The following TDRD3 variants were observed in gnomAD, a reference collection of about 807,000 sequenced individuals.
The protein encoded by TDRD3 is tudor domain containing 3.
A neutral mutation model predicts 86.7 loss-of-function variants in TDRD3; 45 were observed. The observed-to-expected ratio is 0.52, with a 90% confidence interval of 0.41 to 0.67. TDRD3 has a LOEUF of 0.67. Ranked by LOEUF, TDRD3 falls within the 30% of genes least tolerant of loss-of-function variation. The pLI, the probability that TDRD3 is intolerant of heterozygous loss-of-function variation, is 0.00. For missense variants in TDRD3, 814 were observed against 889.0 expected, an observed-to-expected ratio of 0.92 and a Z score of 1.07; for synonymous variants, 298 against 301.7, an observed-to-expected ratio of 0.99 and a Z score of 0.13.
intron 8 of TDRD3, among the ~76,000 whole-genome samples, chr13:60,497,899 G>C (rs547484577): frequency 1.3e-5 from 2 of 152,128 alleles, no homozygotes; most frequent in Non-Finnish European, 2.9e-5. Flanking sequence ...GATAATGGTG[G>C]AAGCAACATT....
chr13:60,396,598 GA>G, upstream of TDRD3: 1 of 153,960 alleles, frequency 6.5e-6, no homozygotes, highest in Non-Finnish European at 1.4e-5. Context: ...AGGGCAACAG[GA>G]AAAACAAGCA....
chr13:60,553,408 G>T (rs964549950), intron 12 of TDRD3, among the ~76,000 whole-genome samples: 11 of 151,906 alleles, frequency 7.2e-5, no homozygotes, highest in African/African-American at 2.7e-4. Context: ...TGTATCCTCC[G>T]CCTGTTACCC....
chr13:60,559,654 T>G (rs1958286436), intron 12 of TDRD3, among the ~76,000 whole-genome samples: 1 of 152,156 alleles, frequency 6.6e-6, no homozygotes, highest in Non-Finnish European at 1.5e-5. Context: ...AGACAAACAC[T>G]ACATGATCTT....
intron 1 of TDRD3, among the ~76,000 whole-genome samples, chr13:60,424,632 GTGCCACTGTACCCCAGCC>G: frequency 1.3e-5 from 2 of 152,278 alleles, no homozygotes; most frequent in Admixed American, 1.3e-4. Flanking sequence ...AGCAGAGATT[GTGCCACTGTACCCCAGCC>G]TGCGCAACAG....
At chr13:60,499,520 A>C (rs1225929512) in intron 8 of TDRD3, among the ~76,000 whole-genome samples, 1 of 152,254 alleles carries the variant, frequency 6.6e-6, no homozygotes, top group Non-Finnish European at 1.5e-5. Flanking sequence ...AATTGTATTC[A>C]GAGAGAACTT....
intron 5 of TDRD3, among the ~76,000 whole-genome samples, chr13:60,474,626 C>T (rs1018869573): frequency 1.3e-5 from 2 of 152,202 alleles, no homozygotes; most frequent in Admixed American, 1.3e-4. Context: ...TATATGCTTT[C>T]ATGTACCCAG....
At chr13:60,415,037 TG>T (rs1954465282) in intron 1 of TDRD3, among the ~76,000 whole-genome samples, 1 of 152,106 alleles carries the variant, frequency 6.6e-6, no homozygotes, top group Non-Finnish European at 1.5e-5. Context: ...AAAATATATT[TG>T]GTAGCCAATC....
intron 8 of TDRD3, among the ~76,000 whole-genome samples, chr13:60,507,490 G>T (rs973001049): frequency 3.4e-4 from 52 of 152,140 alleles, no homozygotes; most frequent in African/African-American, 1.2e-3. Flanking sequence ...ATAACAGTCT[G>T]TCAGACCACA....
rs900817065 is a variant in TDRD3, at chr13:60,431,566, G to A, written c.42-8122G>A. On this transcript the variant is annotated intron_variant, in intron 1 of 13. Coordinates refer to ENST00000377881, the MANE Select transcript of TDRD3 (RefSeq NM_001146070.2). Reference sequence around the variant, plus strand: ...TGGATGTTAACCATGATGATATCAAGGCATTTCATATTGTTTTGCATCATC... The same window carrying A: ...TGGATGTTAACCATGATGATATCAAAGCATTTCATATTGTTTTGCATCATC... Among the ~76,000 whole-genome samples, 36 of 151,518 alleles carry A rather than the reference G, an allele frequency of 2.4e-4. 1 individual carries two copies. Among genetic ancestry groups the A allele is most frequent in the Admixed American group, 2.4e-3 (36 of 15,186 alleles).
At chr13:60,418,702 T>C (rs779132250) in intron 1 of TDRD3, among the ~76,000 whole-genome samples, 3 of 152,238 alleles carry the variant, frequency 2.0e-5, no homozygotes, top group Non-Finnish European at 4.4e-5. Context: ...TTATATAGAA[T>C]GTTTTCATCA....
At chr13:60,452,450 A>G (rs1415110340) in intron 3 of TDRD3, among the ~76,000 whole-genome samples, 1 of 152,034 alleles carries the variant, frequency 6.6e-6, no homozygotes, top group East Asian at 1.9e-4. Flanking sequence ...TTAAAACACC[A>G]TTTACAACAA....
Position 60,439,725 on chromosome 13 carries a change from T to A in TDRD3, c.79T>A (p.Ser27Thr). The A allele has an allele frequency of 6.5e-7, 1 of 1,545,650 alleles. No homozygotes were observed. Among genetic ancestry groups the A allele is most frequent in the Non-Finnish European group, 8.7e-7 (1 of 1,145,166 alleles). The change falls in exon 2 of 14, where the codon TCT becomes ACT. Residue 27 changes from serine (S) to threonine (T), a missense_variant. Ser to Thr is a moderately conservative substitution (Grantham distance 58, BLOSUM62 1). Coordinates refer to ENST00000377881, the MANE Select transcript of TDRD3 (RefSeq NM_001146070.2). ...TGAAGGCATTGAAGCTTGCACAAGC[T>A]CTCCAGACAAAGTCAATGTAAATGA... ...SDEGIEACTS[S>T]PDKVNVNDII...
In TDRD3 at chr13:60,467,377, A is replaced by G. The variant is rs772314134; in HGVS notation, c.493A>G (p.Arg165Gly). 2 of 1,613,296 alleles carry G rather than the reference A, an allele frequency of 1.2e-6. No individual in the cohort carries two copies. Among genetic ancestry groups the G allele is most frequent in the African/African-American group, 1.3e-5 (1 of 74,974 alleles). Residue 165 changes from arginine to glycine, a missense_variant and splice_region_variant, in exon 5 of 14, where the codon AGA (arginine) becomes GGA (glycine). Transcript: ENST00000377881. ...CCTTATTGAGAAATGGGAGTTACAG[A>G]GAGTAAGTGTAAACTATGGCTTGAA... ...EHLIEKWELQ[R>G]SLSKHNRSNI...
chr13:60,417,115 C>G (rs1026889116), intron 1 of TDRD3, among the ~76,000 whole-genome samples: 1 of 150,880 alleles, frequency 6.6e-6, no homozygotes, highest in Non-Finnish European at 1.5e-5. Flanking sequence ...CTCCTTGGGT[C>G]AAGTGATAAA....
chr13:60,507,339 A>G (rs2137640954), intron 8 of TDRD3, among the ~76,000 whole-genome samples: 1 of 152,320 alleles, frequency 6.6e-6, no homozygotes, highest in African/African-American at 2.4e-5. Flanking sequence ...CTCTGGACCA[A>G]GCGGACCTAA....
chr13:60,424,531 T>C (rs1954749968), intron 1 of TDRD3, among the ~76,000 whole-genome samples: 1 of 151,674 alleles, frequency 6.6e-6, no homozygotes, highest in Non-Finnish European at 1.5e-5. Flanking sequence ...ACAAAAATTA[T>C]CTGGGCATAG....
chr13:60,467,897 T>G (rs1004321440), intron 5 of TDRD3, among the ~76,000 whole-genome samples: 1 of 152,222 alleles, frequency 6.6e-6, no homozygotes, highest in Admixed American at 6.6e-5. Context: ...TCCTCTACTT[T>G]GCTTCCAACA....
At chr13:60,565,041 C>CTTTTATT (rs1958418507) in intron 12 of TDRD3, among the ~76,000 whole-genome samples, 1 of 70,852 alleles carries the variant, frequency 1.4e-5, no homozygotes, top group African/African-American at 6.2e-5. Context: ...CTATCAGTAT[C>CTTTTATT]TTTTTTTTTT....
chr13:60,448,329 T>G (rs1182809571), intron 3 of TDRD3, among the ~76,000 whole-genome samples: 3 of 152,186 alleles, frequency 2.0e-5, no homozygotes, highest in Admixed American at 2.0e-4. Flanking sequence ...GCTTTGAAAC[T>G]GAAGTCTTAA....
Sources: gnomAD v4.1 joint callset for allele counts (sites outside exome capture counted in the v4.1 genomes callset) on GRCh38, gnomAD v4.1.1 for gene constraint, MANE v1.5 for transcripts, NCBI Gene and HGNC (gene_info 2026-07-23, HGNC 2026-07-21) for gene names.